The following C2orf81 variants were observed in gnomAD, a reference collection of about 807,000 sequenced individuals.
C2orf81 encodes uncharacterized protein C2orf81.
A neutral mutation model predicts 7.9 loss-of-function variants in C2orf81; 5 were observed. That is an observed-to-expected ratio of 0.63 (90% CI 0.33 to 1.33). C2orf81 has a LOEUF of 1.33. Among genes scored for constraint, C2orf81 ranks in the 40% most tolerant of loss-of-function variants. The probability of loss-of-function intolerance (pLI) is 0.05; values close to 1 mark genes in which losing one functional copy is unlikely to be tolerated. For missense variants in C2orf81, 781 were observed against 830.4 expected (o/e 0.94, Z 0.73); for synonymous variants, 346 against 367.4 (o/e 0.94, Z 0.66).
chr2:74,418,517 G>A, intron 1 of C2orf81: 1 of 935,740 alleles, frequency 1.1e-6, no homozygotes, highest in Middle Eastern at 2.1e-4. Context: ...TGCGGTGCAT[G>A]CTCCGGTTTG....
intron 1 of C2orf81, chr2:74,418,637 A>G: frequency 1.7e-6 from 1 of 582,332 alleles, no homozygotes; most frequent in South Asian, 2.0e-5. Context: ...GAAATAGCCC[A>G]GGCTCGGAGT....
intron 1 of C2orf81, chr2:74,418,194 T>C (rs1472454309): frequency 2.8e-6 from 4 of 1,423,402 alleles, no homozygotes; most frequent in Non-Finnish European, 3.9e-6. Context: ...GTCTTCCCCT[T>C]GGTTTCCTTC....
intron 1 of C2orf81, chr2:74,418,498 C>T: frequency 8.9e-7 from 1 of 1,120,298 alleles, no homozygotes; most frequent in Non-Finnish European, 1.3e-6. Context: ...GCGAACTCGG[C>T]CGCTGGCCTG....
intron 1 of C2orf81, 122 bp downstream of exon 1, chr2:74,421,421 C>T (rs1464158414): frequency 2.4e-5 from 6 of 252,522 alleles, no homozygotes; most frequent in African/African-American, 1.1e-4. Flanking sequence ...CATCTAAACT[C>T]CCGCGCGGTG....
chr2:74,419,292 C>T (rs1489621073), intron 1 of C2orf81, among the ~76,000 whole-genome samples: 1 of 152,142 alleles, frequency 6.6e-6, no homozygotes, highest in Non-Finnish European at 1.5e-5. Context: ...AGGGGGATTG[C>T]TTGAGCCCAG....
At position 74,415,995 on chromosome 2, in the gene C2orf81, C is replaced by T. The variant is rs902405025; in HGVS notation, c.249+16G>A. On this transcript the variant is annotated intron_variant, in intron 2 of 2. Coordinates refer to ENST00000684111, the MANE Select transcript of C2orf81 (RefSeq NM_001316764.3). This position sits in a 1 kb window ranked among gnomAD's most constrained non-coding sequence, Gnocchi z 5.5. ...GGAGAGGGAGACGAGTCTGAAGGAC[C>T]CGGATCCCGGCCCACCTGCTGAGTC... is the stretch of plus-strand genomic sequence containing the variant. The T allele has an allele frequency of 9.7e-6, 15 of 1,549,756 alleles. No individual in the cohort carries two copies. Among genetic ancestry groups the T allele is most frequent in the Non-Finnish European group, 1.3e-5 (15 of 1,146,602 alleles).
intron 1 of C2orf81, among the ~76,000 whole-genome samples, chr2:74,418,872 A>C (rs1254080218): frequency 6.6e-6 from 1 of 152,016 alleles, no homozygotes; most frequent in Non-Finnish European, 1.5e-5. Flanking sequence ...CCCCGAGTAA[A>C]TTAAAAGCTC....
At chr2:74,417,006 C>G (rs114666384) in intron 1 of C2orf81, among the ~76,000 whole-genome samples, 1 of 152,168 alleles carries the variant, frequency 6.6e-6, no homozygotes, top group Non-Finnish European at 1.5e-5. Flanking sequence ...GGGGAGTAGT[C>G]AGTCACCCAG....
rs1573211279 is a variant in C2orf81, at chr2:74,415,544, A to G, written c.633T>C (p.Ser211=). 6.5e-7 allele frequency: 1 copy of G among 1,549,258 alleles called. No homozygotes were observed. ...CTCTCAGCTGCGGAGAAGGCTCCCAAGATTCCATCTGCTCCTGGGAGCCTC... is the reference window on the plus strand; with the variant it reads ...CTCTCAGCTGCGGAGAAGGCTCCCAGGATTCCATCTGCTCCTGGGAGCCTC... The part of the protein sequence containing the change: ...MGRGSQEQME[S]WEPSPQLRVT... Residue 211 remains serine, a synonymous_variant, in exon 3 of 3, where the codon TCT becomes TCC. Transcript: ENST00000684111. This position sits in a 1 kb window ranked among gnomAD's most constrained non-coding sequence, Gnocchi z 5.5.
intron 1 of C2orf81, chr2:74,418,323 C>G: frequency 6.2e-7 from 1 of 1,605,560 alleles, no homozygotes; most frequent in African/African-American, 1.3e-5. Context: ...TCCCTACCAG[C>G]GCTGTCCTGG....
rs951791267 is a variant in C2orf81 at position 74,420,751 on chromosome 2, T to A, written c.18+792A>T. Among the ~76,000 whole-genome samples, 7 of 147,434 alleles carry A rather than the reference T, an allele frequency of 4.7e-5. No individual in the cohort carries two copies. In the East Asian group the frequency reaches 1.5e-3, roughly 31 times the overall value. On this transcript the variant is annotated intron_variant, in intron 1 of 2. Transcript: ENST00000684111. ...TATTTTTGCACAAAGGCTCTTCAAATCCGTTTTCTTTCTTCTTCTTCTTTT... is the reference window on the plus strand; with the variant it reads ...TATTTTTGCACAAAGGCTCTTCAAAACCGTTTTCTTTCTTCTTCTTCTTTT...
chr2:74,415,064 C>T lies in C2orf81; in HGVS notation c.1113G>A (p.Ala371=), dbSNP rs1012167762. 4.5e-6 allele frequency: 7 copies of T among 1,548,102 alleles called. No individual in the cohort carries two copies. In the East Asian group the frequency reaches 1.7e-4, roughly 38 times the overall value. The change falls in exon 3 of 3, where the codon GCG becomes GCA. Residue 371 remains alanine (A), a synonymous_variant. Coordinates refer to ENST00000684111, the MANE Select transcript of C2orf81 (RefSeq NM_001316764.3). The surrounding 1 kb of genome is among the most constrained non-coding windows in gnomAD (Gnocchi z 5.5). ...SAHHHRMRRK[A]AVKRLDPARL... ...TCGCAGGGTCCAGGCGTTTCACGGC[C>T]GCCTTGCGGCGCATCCTGTGGTGGT...
At position 74,414,379 on chromosome 2, in the gene C2orf81, G is replaced by A. The variant is rs539243591; in HGVS notation, c.1798C>T (p.Pro600Ser). ...TGGATGGGATGTTGCTCAACGGGAG[G>A]AAAGGTGCTACCTTCTTTGTCCTCT... ...EQEDKEGSTF[P>S]PVEQHPIQTG... is the part of the protein sequence containing the mutation. Residue 600 changes from proline to serine, a missense_variant, in exon 3 of 3, where the codon CCT becomes TCT. Physicochemically the swap from Pro to Ser is moderately conservative, Grantham distance 74. Transcript: ENST00000684111. The surrounding 1 kb of genome is among the most constrained non-coding windows in gnomAD (Gnocchi z 5.3). The A allele has an allele frequency of 6.5e-5, 99 of 1,525,174 alleles. 1 individual carries two copies. The South Asian group carries it at 1.1e-3, about 17-fold the overall frequency. The allele number at this position is 1,525,174 out of a possible 1,614,324, so 94.5% of individuals were successfully genotyped here. A position where few individuals can be genotyped will look rare whatever the true frequency, so the allele number is the denominator to read the frequency against.
intron 1 of C2orf81, among the ~76,000 whole-genome samples, chr2:74,419,682 T>C (rs943133955): frequency 1.3e-5 from 2 of 152,262 alleles, no homozygotes; most frequent in Admixed American, 6.5e-5. Flanking sequence ...TAGCAGAATA[T>C]TGAAAACATG....
chr2:74,419,548 C>T (rs992808823), intron 1 of C2orf81, among the ~76,000 whole-genome samples: 1 of 152,162 alleles, frequency 6.6e-6, no homozygotes, highest in Non-Finnish European at 1.5e-5. Context: ...TGCATGAAGA[C>T]ATTAAAAAAT....
intron 1 of C2orf81, among the ~76,000 whole-genome samples, chr2:74,419,700 A>T (rs1405007911): frequency 6.6e-6 from 1 of 152,248 alleles, no homozygotes; most frequent in Non-Finnish European, 1.5e-5. Context: ...ATGTCTTTAA[A>T]AAGAGAATAA....
At chr2:74,421,106 T>C (rs1676601406) in intron 1 of C2orf81, among the ~76,000 whole-genome samples, 1 of 152,214 alleles carries the variant, frequency 6.6e-6, no homozygotes, top group South Asian at 2.1e-4. Context: ...TTAAAATTGA[T>C]TGGCTCTTAA....
Position 74,415,360 on chromosome 2 carries a change from C to T in C2orf81, c.817G>A (p.Asp273Asn). Residue 273 changes from aspartate to asparagine, a missense_variant, in exon 3 of 3, where the codon GAC (aspartate) becomes AAC (asparagine). Transcript: ENST00000684111. This position sits in a 1 kb window ranked among gnomAD's most constrained non-coding sequence, Gnocchi z 5.5. ...SVEEAPADDADPSLDPYLVAS... is the reference protein window; with the variant it reads ...SVEEAPADDANPSLDPYLVAS... Reference sequence around the variant, plus strand: ...ACCAGGTACGGATCCAGAGAAGGGTCGGCATCGTCGGCAGGCGCCTCCTCC... The same window carrying T: ...ACCAGGTACGGATCCAGAGAAGGGTTGGCATCGTCGGCAGGCGCCTCCTCC... 2 of 1,511,716 alleles carry T rather than the reference C, an allele frequency of 1.3e-6. No individual in the cohort carries two copies. The highest frequency in any genetic ancestry group is 2.5e-5 in the South Asian group (2 of 79,664). The allele number at this position is 1,511,716 out of a possible 1,614,324, so 93.6% of individuals were successfully genotyped here.
chr2:74,416,052 G>C lies in C2orf81; in HGVS notation c.208C>G (p.Arg70Gly). The C allele has an allele frequency of 1.3e-6, 2 of 1,549,730 alleles. No homozygotes were observed. Among genetic ancestry groups the C allele is most frequent in the Non-Finnish European group, 1.7e-6 (2 of 1,146,602 alleles). The change falls in exon 2 of 3, where the codon CGA (arginine) becomes GGA (glycine). Residue 70 changes from arginine (R) to glycine (G), a missense_variant. By Grantham distance (125) the Arg-to-Gly change is moderately radical. Transcript: ENST00000684111. Reference sequence around the variant, plus strand: ...ACTTTGAAAGCAGAGTCCATGACTCGAGCCAGCAAGTCGGCCAAGATGTCC... The same window carrying C: ...ACTTTGAAAGCAGAGTCCATGACTCCAGCCAGCAAGTCGGCCAAGATGTCC... ...VGDILADLLA[R>G]VMDSAFKVYL...
Sources: gnomAD v4.1 joint callset for allele counts (sites outside exome capture counted in the v4.1 genomes callset) on GRCh38, gnomAD v4.1.1 for gene constraint, Gnocchi (gnomAD v3.1) non-coding constraint, MANE v1.5 for transcripts, NCBI Gene and HGNC (gene_info 2026-07-23, HGNC 2026-07-21) for gene names.